Variants in RNFT1 observed in about 807,000 individuals in gnomAD.
RNFT1 encodes ring finger protein, transmembrane 1, also known as E3 ubiquitin-protein ligase RNFT1.
In RNFT1, 35 loss-of-function variants were observed where a neutral mutation model predicts 53.2. That is an observed-to-expected ratio of 0.66 (90% CI 0.50 to 0.87). The LOEUF (loss-of-function observed/expected upper bound fraction) is 0.87, where lower values mean the gene tolerates loss of function less well. Among genes scored for constraint, RNFT1 ranks in the 40% least tolerant of loss-of-function variants. The probability of loss-of-function intolerance (pLI) is 0.00; values close to 1 mark genes in which losing one functional copy is unlikely to be tolerated. For missense variants in RNFT1, 421 were observed against 515.0 expected, an observed-to-expected ratio of 0.82 and a Z score of 1.77; for synonymous variants, 141 against 172.8, an observed-to-expected ratio of 0.82 and a Z score of 1.44.
chr17:59,956,229 G>C (rs1428568075), intron 7 of RNFT1, among the ~76,000 whole-genome samples: 5 of 152,146 alleles, frequency 3.3e-5, no homozygotes, highest in African/African-American at 1.2e-4. Flanking sequence ...GTGGATTGAA[G>C]AGGCAAGAGA....
chr17:59,958,037 A>C (rs2045265000), intron 5 of RNFT1, among the ~76,000 whole-genome samples: 1 of 152,220 alleles, frequency 6.6e-6, no homozygotes, highest in East Asian at 1.9e-4. Flanking sequence ...ACACATCTAA[A>C]TAGTTTCCCA....
rs760103344 is a variant in RNFT1, at chr17:59,964,617, C to A, written c.47G>T (p.Gly16Val). 6.2e-7 allele frequency: 1 copy of A among 1,606,592 alleles called. No individual in the cohort carries two copies. The highest frequency in any genetic ancestry group is 8.5e-7 in the Non-Finnish European group (1 of 1,176,620). ...LSLPTPPSAS[G>V]HERRQRPEAK... ...TTCCCCCAGGCCTAACCTCTCATGA[C>A]CAGAAGCGGACGGAGGTGTCGGGAG... The change falls in exon 1 of 9, where the codon GGT (glycine) becomes GTT (valine). Residue 16 changes from glycine (G) to valine (V), a missense_variant. Coordinates refer to ENST00000305783, the MANE Select transcript of RNFT1 (RefSeq NM_016125.4).
In RNFT1 at chr17:59,953,010, ATCCT is replaced by A; in HGVS notation, c.1271_1274del (p.Lys424MetfsTer28). 6.2e-7 allele frequency: 1 copy of A among 1,613,542 alleles called. No homozygotes were observed. The highest frequency in any genetic ancestry group is 8.5e-7 in the Non-Finnish European group (1 of 1,179,792). ...TTTGAAGGTGTGATGAAGTGGCTCC[ATCCT>A]TCCATTTGTTTATATGGTCTGAAAT... is the stretch of plus-strand genomic sequence containing the variant. On this transcript the variant is annotated frameshift_variant, in exon 9 of 9. Coordinates refer to ENST00000305783, the MANE Select transcript of RNFT1 (RefSeq NM_016125.4). LOFTEE classifies it high-confidence loss of function.
Position 59,956,567 on chromosome 17 carries a change from TAAG to T in RNFT1, c.1006-17_1006-15del, listed in dbSNP as rs534806997. On this transcript the variant is annotated splice_polypyrimidine_tract_variant and intron_variant, in intron 6 of 8. Coordinates refer to ENST00000305783, the MANE Select transcript of RNFT1 (RefSeq NM_016125.4). Reference sequence around the variant, plus strand: ...AAATTCCAAAAGCTGAAAAGAGAAATAAGAGATCATTTATTAATTCAAACAGTC... The same window carrying T: ...AAATTCCAAAAGCTGAAAAGAGAAATAGATCATTTATTAATTCAAACAGTC... The T allele has an allele frequency of 1.1e-5, 18 of 1,604,512 alleles. No homozygotes were observed. The highest frequency in any genetic ancestry group is 1.5e-5 in the Non-Finnish European group (18 of 1,172,764).
At position 59,963,018 on chromosome 17, in the gene RNFT1, T is replaced by C. The variant is rs199530443; in HGVS notation, c.323A>G (p.His108Arg). 2.5e-6 allele frequency: 4 copies of C among 1,614,250 alleles called. No homozygotes were observed. The highest frequency in any genetic ancestry group is 3.4e-6 in the Non-Finnish European group (4 of 1,180,048). The part of the protein sequence containing the change: ...NIRSGVHSCA[H>R]GCVHSRLRGH... Reference sequence around the variant, plus strand: ...CCGTAAGCGACTGTGTACACATCCATGGGCACAGCTATGGACACCTGACCT... The same window carrying C: ...CCGTAAGCGACTGTGTACACATCCACGGGCACAGCTATGGACACCTGACCT... Residue 108 changes from histidine (H) to arginine (R), a missense_variant, in exon 2 of 9, where the codon CAT becomes CGT. Coordinates refer to ENST00000305783, the MANE Select transcript of RNFT1 (RefSeq NM_016125.4).
rs960341004 is a variant in RNFT1 at position 59,957,443 on chromosome 17, A to G, written c.847-61T>C. 5 of 1,215,746 alleles carry G rather than the reference A, an allele frequency of 4.1e-6. No individual in the cohort carries two copies. The African/African-American group carries it at 7.6e-5, about 19-fold the overall frequency. 75.3% of individuals were successfully genotyped at this position (1,215,746 alleles called of 1,614,324 possible). A position where few individuals can be genotyped will look rare whatever the true frequency, so the allele number is the denominator to read the frequency against. On this transcript the variant is annotated intron_variant, in intron 5 of 8. Transcript: ENST00000305783. ...AACTACTTAACTACATAGCACAAAC[A>G]ATATTAGACTGAGAACACTGAGTAT...
intron 8 of RNFT1, among the ~76,000 whole-genome samples, chr17:59,953,731 G>T (rs1409959942): frequency 6.6e-6 from 1 of 152,084 alleles, no homozygotes; most frequent in Admixed American, 6.5e-5. Context: ...TATAGGAAAG[G>T]GCCACAATCC....
chr17:59,953,401 A>G (rs1598862084), intron 8 of RNFT1, among the ~76,000 whole-genome samples: 1 of 152,084 alleles, frequency 6.6e-6, no homozygotes, highest in Admixed American at 6.6e-5. Context: ...GGGTTTCACC[A>G]TGTTGGTCAG....
chr17:59,963,297 A>G lies in RNFT1; in HGVS notation c.57-13T>C. ...AGGCCTCTGTCTCCTAAAAAATCAAATAAAAGATATTCTAAGTAAACAGGC... is the reference window on the plus strand; with the variant it reads ...AGGCCTCTGTCTCCTAAAAAATCAAGTAAAAGATATTCTAAGTAAACAGGC... On this transcript the variant is annotated splice_polypyrimidine_tract_variant and intron_variant, in intron 1 of 8. Coordinates refer to ENST00000305783, the MANE Select transcript of RNFT1 (RefSeq NM_016125.4). The G allele has an allele frequency of 6.3e-7, 1 of 1,592,248 alleles. No individual in the cohort carries two copies. The highest frequency in any genetic ancestry group is 8.5e-7 in the Non-Finnish European group (1 of 1,169,864).
At chr17:59,957,709 G>A (rs1404202642) in intron 5 of RNFT1, among the ~76,000 whole-genome samples, 2 of 152,106 alleles carry the variant, frequency 1.3e-5, no homozygotes, top group Admixed American at 1.3e-4. Context: ...ACTGGGTGTG[G>A]TGGTGGGCAC....
intron 8 of RNFT1, among the ~76,000 whole-genome samples, chr17:59,953,435 A>G (rs1019084997): frequency 3.3e-5 from 5 of 152,202 alleles, no homozygotes; most frequent in Non-Finnish European, 7.3e-5. Flanking sequence ...TCCTGACCTC[A>G]GGTGATCCAC....
chr17:59,958,923 C>T (rs1568544164), intron 4 of RNFT1, among the ~76,000 whole-genome samples: 2 of 152,164 alleles, frequency 1.3e-5, no homozygotes, highest in East Asian at 1.9e-4. Flanking sequence ...TCATATTTCA[C>T]TGCTGGTTTC....
rs1242450291 is a variant in RNFT1, at chr17:59,954,036, T to C, written c.1173+9A>G. ...GTATTTAGGTTTTTAAATTTAAAAATGTAATTACCTGACAAATGAGAAGAA... is the reference window on the plus strand; with the variant it reads ...GTATTTAGGTTTTTAAATTTAAAAACGTAATTACCTGACAAATGAGAAGAA... On this transcript the variant is annotated intron_variant, in intron 8 of 8. Coordinates refer to ENST00000305783, the MANE Select transcript of RNFT1 (RefSeq NM_016125.4). The C allele has an allele frequency of 3.3e-6, 5 of 1,510,180 alleles. No individual in the cohort carries two copies. The highest frequency in any genetic ancestry group is 2.9e-5 in the African/African-American group (2 of 70,122). The allele number at this position is 1,510,180 out of a possible 1,614,324, so 93.5% of individuals were successfully genotyped here.
At position 59,957,402 on chromosome 17, in the gene RNFT1, CAAAT is replaced by C. The variant is rs779789449; in HGVS notation, c.847-24_847-21del. ...GTAACCCTAAAAAATAAGAAGAAAA[CAAAT>C]AGAGCTACCCAAACTACTTAACTAC... On this transcript the variant is annotated intron_variant, in intron 5 of 8. Coordinates refer to ENST00000305783, the MANE Select transcript of RNFT1 (RefSeq NM_016125.4). 8.1e-6 allele frequency: 13 copies of C among 1,595,878 alleles called. No individual in the cohort carries two copies. The highest frequency in any genetic ancestry group is 1.1e-5 in the Non-Finnish European group (13 of 1,172,068).
Position 59,964,681 on chromosome 17 carries a change from T to C in RNFT1, c.-18A>G, listed in dbSNP as rs1264544868. ...AGCGGCATACACCGCCTCCAGCCCT[T>C]CAGTCGGGGCCATCAACCGCAAACC... On this transcript the variant is annotated 5_prime_UTR_variant, in exon 1 of 9. Transcript: ENST00000305783. The C allele has an allele frequency of 1.3e-6, 2 of 1,596,646 alleles. No homozygotes were observed. Among genetic ancestry groups the C allele is most frequent in the African/African-American group, 2.7e-5 (2 of 74,180 alleles).
chr17:59,964,525 C>A (rs555762487), intron 1 of RNFT1, 83 bp downstream of exon 1: 10 of 1,310,360 alleles, frequency 7.6e-6, no homozygotes, highest in African/African-American at 5.9e-5. Flanking sequence ...CACGTCCGAG[C>A]CTCGAGTGCC....
chr17:59,956,379 A>C, intron 7 of RNFT1, 109 bp downstream of exon 7: 1 of 716,100 alleles, frequency 1.4e-6, no homozygotes, highest in Non-Finnish European at 2.4e-6. Context: ...AAGTAAAAGA[A>C]AAGGATCATC....
At position 59,954,166 on chromosome 17, in the gene RNFT1, T is replaced by C; in HGVS notation, c.1072-20A>G. 6.8e-7 allele frequency: 1 copy of C among 1,480,594 alleles called. No individual in the cohort carries two copies. The highest frequency in any genetic ancestry group is 1.2e-5 in the South Asian group (1 of 83,404). The allele number at this position is 1,480,594 out of a possible 1,614,324, so 91.7% of individuals were successfully genotyped here. On this transcript the variant is annotated intron_variant, in intron 7 of 8. Coordinates refer to ENST00000305783, the MANE Select transcript of RNFT1 (RefSeq NM_016125.4). The stretch of plus-strand genomic sequence containing the variant: ...ATAACTCTATGAAGATAGTAAGTTC[T>C]GTTCATCTACAAATTTCTTTCTTTC...
Position 59,963,057 on chromosome 17 carries a change from C to T in RNFT1, c.284G>A (p.Ser95Asn). The T allele has an allele frequency of 6.2e-7, 1 of 1,614,210 alleles. No individual in the cohort carries two copies. The highest frequency in any genetic ancestry group is 8.5e-7 in the Non-Finnish European group (1 of 1,180,036). The change falls in exon 2 of 9, where the codon AGC becomes AAC. Residue 95 changes from serine (S) to asparagine (N), a missense_variant. Transcript: ENST00000305783. ...GACACCTGACCTTATATTTCTGGAG[C>T]TTGCATTTTCTGCACATTCTTTAGG... ...SIPKECAENA[S>N]SRNIRSGVHS... is the part of the protein sequence containing the mutation.
Sources: allele counts gnomAD v4.1 joint callset (sites outside exome capture counted in the v4.1 genomes callset), GRCh38; gene constraint gnomAD v4.1.1; transcripts MANE v1.5; gene names NCBI Gene and HGNC (gene_info 2026-07-23, HGNC 2026-07-21).